MDGA2: variants seen among roughly 807,000 people sequenced by gnomAD.
The protein encoded by MDGA2 is MAM domain-containing glycosylphosphatidylinositol anchor protein 2.
A neutral mutation model predicts 117.8 loss-of-function variants in MDGA2; 40 were observed. That is an observed-to-expected ratio of 0.34 (90% confidence interval 0.26 to 0.44). The LOEUF (loss-of-function observed/expected upper bound fraction) is 0.44, where lower values mean the gene tolerates loss of function less well. Ranked by LOEUF, MDGA2 falls within the 20% of genes least tolerant of loss-of-function variation. The pLI, the probability that MDGA2 is intolerant of heterozygous loss-of-function variation, is 1.00. For missense variants in MDGA2, 1,123 were observed against 1,250.6 expected (o/e 0.90, Z 1.54); for synonymous variants, 452 against 439.0 (o/e 1.03, Z -0.37).
At chr14:46,957,321 T>C (rs1885600586) in intron 9 of MDGA2, 53 bp downstream of exon 9, 1 of 1,541,610 alleles carries the variant, frequency 6.5e-7, no homozygotes, top group Non-Finnish European at 8.8e-7. Context: ...AGGTCTAAGA[T>C]CTCTTGGTCT....
At chr14:47,017,047 G>T (rs1279680025) in intron 8 of MDGA2, among the ~76,000 whole-genome samples, 3 of 151,752 alleles carry the variant, frequency 2.0e-5, no homozygotes, top group African/African-American at 7.3e-5. Context: ...AAAAGTATAT[G>T]ATATTGCATA....
intron 1 of MDGA2, among the ~76,000 whole-genome samples, chr14:47,566,502 C>A (rs1260112663): frequency 6.6e-6 from 1 of 152,178 alleles, no homozygotes; most frequent in Non-Finnish European, 1.5e-5. Context: ...TGCTCCCTGG[C>A]ACATGTTCCC....
intron 1 of MDGA2, among the ~76,000 whole-genome samples, chr14:47,600,987 T>G (rs1896637060): frequency 1.3e-5 from 2 of 152,210 alleles, no homozygotes; most frequent in African/African-American, 4.8e-5. Flanking sequence ...TATCTACTGT[T>G]TATAAGACTG....
chr14:47,383,319 C>T (rs1206302660), intron 1 of MDGA2, among the ~76,000 whole-genome samples: 1 of 151,414 alleles, frequency 6.6e-6, no homozygotes, highest in Non-Finnish European at 1.5e-5. Context: ...ATGTTGTGCA[C>T]ATGTACCCTA....
chr14:47,503,451 C>G (rs1226540738), intron 1 of MDGA2, among the ~76,000 whole-genome samples: 1 of 135,370 alleles, frequency 7.4e-6, no homozygotes, highest in Non-Finnish European at 1.5e-5. Flanking sequence ...GAGATGGAGT[C>G]TCGCTCTGTT....
chr14:47,642,780 C>T (rs55733011), intron 1 of MDGA2, among the ~76,000 whole-genome samples: 2 of 152,026 alleles, frequency 1.3e-5, no homozygotes, highest in Admixed American at 6.6e-5. Context: ...AATTTAGCCT[C>T]TAGAAGATTA....
chr14:47,602,955 G>T (rs1896675095), intron 1 of MDGA2, among the ~76,000 whole-genome samples: 1 of 152,122 alleles, frequency 6.6e-6, no homozygotes, highest in African/African-American at 2.4e-5. Context: ...TTATCAATAA[G>T]AAGGAAACAA....
At chr14:47,561,766 G>C (rs1296234161) in intron 1 of MDGA2, among the ~76,000 whole-genome samples, 1 of 152,124 alleles carries the variant, frequency 6.6e-6, no homozygotes, top group Non-Finnish European at 1.5e-5. Flanking sequence ...GTACTATGTT[G>C]AACAGGAGTG....
intron 8 of MDGA2, among the ~76,000 whole-genome samples, chr14:47,032,060 A>G (rs1378370144): frequency 6.6e-6 from 1 of 152,226 alleles, no homozygotes; most frequent in Non-Finnish European, 1.5e-5. Context: ...AAATTTACTG[A>G]ACAGCTATCA....
chr14:46,903,866 T>G (rs1392694918), intron 10 of MDGA2, among the ~76,000 whole-genome samples: 1 of 152,208 alleles, frequency 6.6e-6, no homozygotes, highest in East Asian at 1.9e-4. Flanking sequence ...TGAAATAAAA[T>G]TGAATACCTT....
chr14:47,271,283 C>A (rs994038558), intron 2 of MDGA2, among the ~76,000 whole-genome samples: 5 of 152,076 alleles, frequency 3.3e-5, no homozygotes, highest in African/African-American at 1.2e-4. Flanking sequence ...TTGAAAATCC[C>A]TAATGCAATT....
At chr14:47,491,511 C>T (rs1894169481) in intron 1 of MDGA2, among the ~76,000 whole-genome samples, 1 of 152,062 alleles carries the variant, frequency 6.6e-6, no homozygotes, top group Non-Finnish European at 1.5e-5. Context: ...AGTACTTTAT[C>T]TCCCAGAATC....
At chr14:47,129,295 T>C (rs369477135) in intron 5 of MDGA2, among the ~76,000 whole-genome samples, 2 of 149,010 alleles carry the variant, frequency 1.3e-5, no homozygotes, top group Admixed American at 6.8e-5. Context: ...CCTGTGTCCA[T>C]GTGATCTCAT....
chr14:46,950,539 A>G (rs990734484), intron 9 of MDGA2, among the ~76,000 whole-genome samples: 4 of 152,024 alleles, frequency 2.6e-5, no homozygotes, highest in African/African-American at 9.7e-5. Flanking sequence ...TGGCTAAAAT[A>G]CTGGGATCCA....
intron 1 of MDGA2, among the ~76,000 whole-genome samples, chr14:47,598,341 T>C (rs1316437375): frequency 6.6e-6 from 1 of 152,188 alleles, no homozygotes; most frequent in East Asian, 1.9e-4. Flanking sequence ...TCAAAATAAC[T>C]GAAAGCAGGA....
intron 10 of MDGA2, among the ~76,000 whole-genome samples, chr14:46,903,409 T>C (rs1883368054): frequency 6.6e-6 from 1 of 152,204 alleles, no homozygotes; most frequent in Admixed American, 6.5e-5. Flanking sequence ...AATGTAAGAA[T>C]GACAGTTACT....
rs572401114 is a variant in MDGA2, at chr14:47,194,252, C to G, written c.595+23769G>C. ...GATTCAGAAGGTTCAGGCTTAAGTT[C>G]ATCCAGAAGAATGTGAGTCATTCAT... On this transcript the variant is annotated intron_variant, in intron 3 of 16. Transcript: ENST00000399232. 2.6e-3 allele frequency among the ~76,000 whole-genome samples: 398 copies of G among 152,192 alleles called. 4 individuals carry two copies. The highest frequency in any genetic ancestry group is 9.0e-3 in the African/African-American group (374 of 41,536).
intron 9 of MDGA2, among the ~76,000 whole-genome samples, chr14:46,942,431 A>G (rs549536621): frequency 1.2e-4 from 19 of 152,292 alleles, no homozygotes; most frequent in Non-Finnish European, 2.4e-4. Flanking sequence ...TACATATAAT[A>G]AACTTCATAA....
chr14:47,348,600 G>A (rs1188494281), intron 1 of MDGA2, among the ~76,000 whole-genome samples: 1 of 151,840 alleles, frequency 6.6e-6, no homozygotes, highest in African/African-American at 2.4e-5. Context: ...TTCTCGAGAA[G>A]GCAAAAAGGG....
Sources: gnomAD v4.1 joint callset for allele counts (sites outside exome capture counted in the v4.1 genomes callset) on GRCh38, gnomAD v4.1.1 for gene constraint, MANE v1.5 for transcripts, NCBI Gene and HGNC (gene_info 2026-07-23, HGNC 2026-07-21) for gene names.